Variants in EXOC4 observed in about 807,000 individuals in gnomAD.
EXOC4 encodes exocyst complex component 4, also known as SEC8-like 1.
Under a neutral mutation model 107.2 loss-of-function variants are expected in EXOC4, and 71 were observed. The observed-to-expected ratio is 0.66, with a 90% CI of 0.55 to 0.81. The LOEUF is 0.81. Among genes scored for constraint, EXOC4 ranks in the 30% least tolerant of loss-of-function variants. The probability of loss-of-function intolerance (pLI) is 0.00; values close to 1 mark genes in which losing one functional copy is unlikely to be tolerated. For synonymous variants in EXOC4, 456 were observed against 441.2 expected (o/e 1.03, Z -0.42); for missense variants, 1,108 against 1,189.6 (o/e 0.93, Z 1.01).
At chr7:133,899,417 T>G (rs1799399499) in intron 12 of EXOC4, among the ~76,000 whole-genome samples, 2 of 152,378 alleles carry the variant, frequency 1.3e-5, no homozygotes, top group Non-Finnish European at 1.5e-5. Flanking sequence ...CCACTGCATC[T>G]GCAAAGCAGA....
intron 12 of EXOC4, among the ~76,000 whole-genome samples, chr7:133,914,024 G>A (rs960653803): frequency 6.6e-6 from 1 of 152,186 alleles, no homozygotes; most frequent in Admixed American, 6.5e-5. Flanking sequence ...TAGTCAAAGA[G>A]TGCGAAGAAT....
intron 9 of EXOC4, among the ~76,000 whole-genome samples, chr7:133,531,871 A>G (rs2150922333): frequency 6.6e-6 from 1 of 152,258 alleles, no homozygotes; most frequent in South Asian, 2.1e-4. Flanking sequence ...TCCCGTATCC[A>G]AAATGCTTTG....
At chr7:133,473,539 G>A (rs992630886) in intron 7 of EXOC4, among the ~76,000 whole-genome samples, 7 of 151,814 alleles carry the variant, frequency 4.6e-5, no homozygotes, top group African/African-American at 1.5e-4. Flanking sequence ...TTGTCTTTTT[G>A]TACAGTTTTT....
intron 7 of EXOC4, among the ~76,000 whole-genome samples, chr7:133,397,299 T>TC (rs1231652298): frequency 1.3e-5 from 2 of 150,472 alleles, no homozygotes; most frequent in Non-Finnish European, 3.0e-5. Flanking sequence ...AAATTTTTTT[T>TC]TTTTTTGTAT....
At chr7:133,324,005 G>A (rs1795176495) in intron 5 of EXOC4, among the ~76,000 whole-genome samples, 1 of 152,174 alleles carries the variant, frequency 6.6e-6, no homozygotes, top group Admixed American at 6.5e-5. Flanking sequence ...GCATAGAGGT[G>A]TTTATAGTAT....
chr7:133,287,299 TTA>T (rs35758395), intron 2 of EXOC4, among the ~76,000 whole-genome samples: 149,167 of 150,200 alleles, frequency 0.99, 74,068 homozygotes, highest in East Asian at 1. Context: ...AATCAGTCTA[TTA>T]TATATATATA....
chr7:134,075,637 G>A, the EXOC4 span, among the ~76,000 whole-genome samples: 6 of 152,158 alleles, frequency 3.9e-5, no homozygotes, highest in Middle Eastern at 3.2e-3. Flanking sequence ...CCCACCACAC[G>A]TGGGGATTAT....
intron 7 of EXOC4, among the ~76,000 whole-genome samples, chr7:133,456,630 C>T (rs757374817): frequency 2.0e-5 from 3 of 152,140 alleles, no homozygotes; most frequent in Non-Finnish European, 2.9e-5. Context: ...TCATCTTGAA[C>T]TTGAAGGCAG....
intron 2 of EXOC4, among the ~76,000 whole-genome samples, chr7:133,279,442 A>G (rs954174548): frequency 6.6e-6 from 1 of 152,158 alleles, no homozygotes; most frequent in Non-Finnish European, 1.5e-5. Context: ...CTGGGAATAG[A>G]TTTCATTGGA....
chr7:133,853,572 C>T (rs912379886), intron 11 of EXOC4, among the ~76,000 whole-genome samples: 5 of 152,030 alleles, frequency 3.3e-5, no homozygotes, highest in Non-Finnish European at 7.4e-5. Flanking sequence ...TTTTGACTAT[C>T]GCCACCTCTA....
chr7:133,711,137 A>G (rs1794884662), intron 10 of EXOC4, among the ~76,000 whole-genome samples: 1 of 152,252 alleles, frequency 6.6e-6, no homozygotes, highest in Non-Finnish European at 1.5e-5. Context: ...ATAATAGGTT[A>G]CTTTCACAAT....
downstream of EXOC4, among the ~76,000 whole-genome samples, chr7:134,068,979 G>T (rs535768922): frequency 9.9e-5 from 15 of 152,280 alleles, no homozygotes; most frequent in African/African-American, 3.4e-4. Flanking sequence ...GTGACACAAA[G>T]CTTATACTTC....
At chr7:133,691,025 G>A (rs1794408405) in intron 10 of EXOC4, among the ~76,000 whole-genome samples, 1 of 152,264 alleles carries the variant, frequency 6.6e-6, no homozygotes, top group Admixed American at 6.5e-5. Flanking sequence ...AGCAGATAAG[G>A]GAGGGCAGAG....
At chr7:133,818,825 C>T (rs1457969642) in intron 11 of EXOC4, among the ~76,000 whole-genome samples, 2 of 152,176 alleles carry the variant, frequency 1.3e-5, no homozygotes, top group East Asian at 3.9e-4. Context: ...TCTCCATTCT[C>T]CCATTTTTCC....
chr7:133,470,032 G>A (rs1798833233), intron 7 of EXOC4, among the ~76,000 whole-genome samples: 1 of 152,186 alleles, frequency 6.6e-6, no homozygotes, highest in South Asian at 2.1e-4. Context: ...CAGGTTATAA[G>A]CATGGCTACC....
the EXOC4 span, among the ~76,000 whole-genome samples, chr7:134,093,943 A>T: frequency 6.6e-6 from 1 of 152,222 alleles, no homozygotes; most frequent in Non-Finnish European, 1.5e-5. Flanking sequence ...GAAAGTTTAT[A>T]ACACTAAATG....
At chr7:133,501,779 C>G (rs887486315) in intron 9 of EXOC4, among the ~76,000 whole-genome samples, 1 of 152,072 alleles carries the variant, frequency 6.6e-6, no homozygotes, top group African/African-American at 2.4e-5. Flanking sequence ...TATTGGGGTA[C>G]AGGGTGAGGT....
At chr7:134,095,387 C>G in the EXOC4 span, among the ~76,000 whole-genome samples, 1 of 152,088 alleles carries the variant, frequency 6.6e-6, no homozygotes, top group Admixed American at 6.6e-5. Context: ...TTAAAATGGC[C>G]ATACTTTCCA....
intron 7 of EXOC4, among the ~76,000 whole-genome samples, chr7:133,397,152 G>A (rs1275121945): frequency 2.7e-5 from 4 of 147,546 alleles, no homozygotes; most frequent in Admixed American, 6.8e-5. Context: ...TTTTGAGACG[G>A]AATTTCGCTC....
Sources: gnomAD v4.1 joint callset for allele counts (sites outside exome capture counted in the v4.1 genomes callset) on GRCh38, gnomAD v4.1.1 for gene constraint, MANE v1.5 for transcripts, NCBI Gene and HGNC (gene_info 2026-07-23, HGNC 2026-07-21) for gene names.